Variants in ACER3 observed in about 807,000 individuals in gnomAD.
ACER3 encodes the protein alkCDase 3.
Under a neutral mutation model 48.9 loss-of-function variants are expected in ACER3, and 16 were observed. The ratio of observed to expected loss-of-function variants is 0.33; its 90% CI spans 0.22 to 0.50. ACER3 has a LOEUF of 0.50. Among genes scored for constraint, ACER3 ranks in the 20% least tolerant of loss-of-function variants. The probability of loss-of-function intolerance (pLI) is 0.98; values close to 1 mark genes in which losing one functional copy is unlikely to be tolerated. For missense variants in ACER3, 227 were observed against 326.0 expected (o/e 0.70, Z 2.34); for synonymous variants, 109 against 107.8 (o/e 1.01, Z -0.07).
intron 1 of ACER3, among the ~76,000 whole-genome samples, chr11:76,867,283 A>G (rs1945114461): frequency 6.6e-6 from 1 of 151,998 alleles, no homozygotes; most frequent in Non-Finnish European, 1.5e-5. Context: ...AGCCTGGCCA[A>G]CATGATGAGA....
chr11:76,933,465 T>C (rs1947074350), intron 2 of ACER3, among the ~76,000 whole-genome samples: 1 of 149,740 alleles, frequency 6.7e-6, no homozygotes, highest in Admixed American at 6.7e-5. Flanking sequence ...GTACTTGAGA[T>C]TAGGGAGTGG....
intron 1 of ACER3, among the ~76,000 whole-genome samples, chr11:76,903,451 C>A (rs1448546113): frequency 9.4e-6 from 1 of 106,174 alleles, no homozygotes; most frequent in East Asian, 3.4e-4. Flanking sequence ...TCCCACCCCC[C>A]CACCCGCCCC....
intron 2 of ACER3, chr11:76,957,387 A>C: frequency 2.6e-6 from 1 of 378,638 alleles, no homozygotes; most frequent in Non-Finnish European, 5.3e-6. Flanking sequence ...TGATATATTG[A>C]AGCACAGAAT....
intron 1 of ACER3, among the ~76,000 whole-genome samples, chr11:76,861,623 T>C (rs1347359296): frequency 6.6e-6 from 1 of 152,186 alleles, no homozygotes; most frequent in Admixed American, 6.5e-5. Context: ...GTCTGAGATC[T>C]GAACCATCCC....
intron 5 of ACER3, 24 bp from the exon 6 acceptor site, chr11:76,990,515 T>C (rs769433377): frequency 6.9e-7 from 1 of 1,447,176 alleles, no homozygotes; most frequent in Non-Finnish European, 9.7e-7. Context: ...TTCATTCACA[T>C]GTGTTTTTTC....
chr11:76,958,762 G>A (rs1057198904), intron 2 of ACER3: 3 of 558,804 alleles, frequency 5.4e-6, no homozygotes, highest in South Asian at 2.1e-5. Context: ...AAGTCACTTA[G>A]TAGAGGGAAT....
chr11:77,016,041 A>G (rs1388531691), intron 8 of ACER3, among the ~76,000 whole-genome samples: 2 of 146,076 alleles, frequency 1.4e-5, no homozygotes, highest in Non-Finnish European at 3.0e-5. Flanking sequence ...GGGGAGGCGG[A>G]GGTTGCAGTG....
At chr11:76,918,519 A>G (rs961070894) in intron 1 of ACER3, among the ~76,000 whole-genome samples, 1 of 151,724 alleles carries the variant, frequency 6.6e-6, no homozygotes, top group African/African-American at 2.4e-5. Flanking sequence ...TTTACTTTTT[A>G]TTTATATCAT....
chr11:76,868,441 T>C (rs1945159916), intron 1 of ACER3, among the ~76,000 whole-genome samples: 1 of 144,040 alleles, frequency 6.9e-6, no homozygotes, highest in African/African-American at 2.6e-5. Flanking sequence ...GTATAGCCCA[T>C]GGTTCCTGGC....
chr11:76,939,217 G>C (rs539084626), intron 2 of ACER3, among the ~76,000 whole-genome samples: 1 of 152,320 alleles, frequency 6.6e-6, no homozygotes, highest in East Asian at 1.9e-4. Flanking sequence ...AGAGTCATCA[G>C]TGAATATAAA....
In ACER3 at chr11:76,985,663, A is replaced by G. The variant is rs746486966; in HGVS notation, c.341A>G (p.Lys114Arg). Residue 114 changes from lysine to arginine, a missense_variant, in exon 5 of 11, where the codon AAG (lysine) becomes AGG (arginine). This residue lies in a region of ACER3 where 195 missense variants were observed against 290.8 expected (regional missense o/e 0.67). Transcript: ENST00000532485. ...VYCMFECFKI[K>R]NSVNYHLLFT... The stretch of plus-strand genomic sequence containing the variant: ...TCAAGGTTTGAATGTTTCAAGATCA[A>G]GAACTCAGTAAACTACCATCTGCTT... 1 of 1,571,176 alleles carries G rather than the reference A, an allele frequency of 6.4e-7. No homozygotes were observed. Among genetic ancestry groups the G allele is most frequent in the Non-Finnish European group, 8.6e-7 (1 of 1,166,668 alleles).
chr11:76,948,922 T>C (rs549754612), intron 2 of ACER3, among the ~76,000 whole-genome samples: 1 of 152,294 alleles, frequency 6.6e-6, no homozygotes, highest in African/African-American at 2.4e-5. Flanking sequence ...ATGACAAATA[T>C]TATCCTTATT....
In ACER3 at chr11:76,912,772, T is replaced by A. The variant is rs572351160; in HGVS notation, c.104-13785T>A. Among the ~76,000 whole-genome samples, 131 of 152,240 alleles carry A rather than the reference T, an allele frequency of 8.6e-4. 2 individuals are homozygous for A. The South Asian group carries it at 0.019, about 22-fold the overall frequency. ...GCATGTATTAAGGCAATTGAGGAAA[T>A]TTTTATGCTATTTAATGACAATAAA... On this transcript the variant is annotated intron_variant, in intron 1 of 10. Coordinates refer to ENST00000532485, the MANE Select transcript of ACER3 (RefSeq NM_018367.7).
At chr11:76,913,962 T>C (rs1946455340) in intron 1 of ACER3, among the ~76,000 whole-genome samples, 2 of 152,162 alleles carry the variant, frequency 1.3e-5, no homozygotes, top group South Asian at 4.1e-4. Flanking sequence ...GATTCCCTAT[T>C]TAATAAATGG....
At chr11:76,950,765 C>G (rs2134983734) in intron 2 of ACER3, among the ~76,000 whole-genome samples, 1 of 152,022 alleles carries the variant, frequency 6.6e-6, no homozygotes, top group South Asian at 2.1e-4. Context: ...CATGCCAGGC[C>G]CAGAATTTAC....
At chr11:76,923,928 C>T (rs1351455833) in intron 1 of ACER3, among the ~76,000 whole-genome samples, 1 of 152,210 alleles carries the variant, frequency 6.6e-6, no homozygotes, top group Non-Finnish European at 1.5e-5. Flanking sequence ...ATCTGCTAAT[C>T]AGTCTTCTGC....
chr11:76,966,520 C>T (rs571938876), intron 3 of ACER3, among the ~76,000 whole-genome samples: 2 of 151,098 alleles, frequency 1.3e-5, no homozygotes, highest in African/African-American at 4.9e-5. Flanking sequence ...TTTTCAGCAC[C>T]ACACCACCCC....
chr11:76,944,111 G>T (rs1947417225), intron 2 of ACER3, among the ~76,000 whole-genome samples: 1 of 151,838 alleles, frequency 6.6e-6, no homozygotes, highest in African/African-American at 2.4e-5. Flanking sequence ...AATCCATTCT[G>T]TCAATCTATA....
chr11:76,906,130 A>G (rs1946226311), intron 1 of ACER3, among the ~76,000 whole-genome samples: 1 of 152,196 alleles, frequency 6.6e-6, no homozygotes, highest in South Asian at 2.1e-4. Context: ...ATAGTTTTTA[A>G]CTTTGAAGCA....
Sources: gnomAD v4.1 joint callset for allele counts (sites outside exome capture counted in the v4.1 genomes callset) on GRCh38, gnomAD v4.1.1 for gene constraint, gnomAD v4.1.1 regional missense constraint, MANE v1.5 for transcripts, NCBI Gene and HGNC (gene_info 2026-07-23, HGNC 2026-07-21) for gene names.